Variants in TCF20 observed in about 807,000 individuals in gnomAD.
TCF20 encodes the protein SPRE-binding protein.
Under a neutral mutation model 148.6 loss-of-function variants are expected in TCF20, and 3 were observed. The observed-to-expected ratio is 0.02, with a 90% CI of 0.01 to 0.05. The LOEUF (loss-of-function observed/expected upper bound fraction) is 0.05, where lower values mean the gene tolerates loss of function less well. Ranked by LOEUF, TCF20 falls within the 10% of genes least tolerant of loss-of-function variation. The probability of loss-of-function intolerance (pLI) is 1.00; values close to 1 mark genes in which losing one functional copy is unlikely to be tolerated. For missense variants in TCF20, 2,350 were observed against 2,429.3 expected, an observed-to-expected ratio of 0.97 and a Z score of 0.69; for synonymous variants, 1,049 against 909.5, an observed-to-expected ratio of 1.15 and a Z score of -2.76.
chr22:42,178,544 G>A (rs1236340006), intron 3 of TCF20, among the ~76,000 whole-genome samples: 2 of 144,608 alleles, frequency 1.4e-5, no homozygotes, highest in African/African-American at 5.1e-5. Flanking sequence ...GAGAATGGAA[G>A]AAAACATTTG....
intron 1 of TCF20, among the ~76,000 whole-genome samples, chr22:42,324,439 C>T (rs975124717): frequency 1.3e-5 from 2 of 151,878 alleles, no homozygotes; most frequent in African/African-American, 2.4e-5. Context: ...AAATAATCTC[C>T]ACCATCTGAG....
Position 42,169,947 on chromosome 22 carries a change from G to C in TCF20, c.5750-51C>G, listed in dbSNP as rs1378902543. On this transcript the variant is annotated intron_variant, in intron 3 of 5. Transcript: ENST00000677622. Reference sequence around the variant, plus strand: ...ATGGAGACTTCACAGCTGGACATAGGTGTGGTCATGCTGGCTGGGATTGAC... The same window carrying C: ...ATGGAGACTTCACAGCTGGACATAGCTGTGGTCATGCTGGCTGGGATTGAC... 3.2e-6 allele frequency: 5 copies of C among 1,580,068 alleles called. No homozygotes were observed. The African/African-American group carries it at 6.8e-5, about 21-fold the overall frequency.
chr22:42,165,935 C>T (rs1042529786), intron 5 of TCF20, among the ~76,000 whole-genome samples: 7 of 152,228 alleles, frequency 4.6e-5, no homozygotes, highest in African/African-American at 1.4e-4. Context: ...CACACACGCA[C>T]ATTCGCTGTC....
chr22:42,320,304 G>A (rs967169992), intron 1 of TCF20, among the ~76,000 whole-genome samples: 5 of 152,282 alleles, frequency 3.3e-5, no homozygotes, highest in South Asian at 4.1e-4. Flanking sequence ...GGATGGAGCC[G>A]TACAGCCTGG....
At chr22:42,300,454 C>A (rs1403293458) in intron 1 of TCF20, among the ~76,000 whole-genome samples, 1 of 152,098 alleles carries the variant, frequency 6.6e-6, no homozygotes, top group Admixed American at 6.5e-5. Context: ...GGGCCCAGAA[C>A]CTCGGTCACC....
intron 1 of TCF20, among the ~76,000 whole-genome samples, chr22:42,224,049 G>A (rs1922621113): frequency 6.6e-6 from 1 of 152,118 alleles, no homozygotes; most frequent in Non-Finnish European, 1.5e-5. Flanking sequence ...CCACAAGAAT[G>A]CTGCATATCT....
intron 1 of TCF20, among the ~76,000 whole-genome samples, chr22:42,324,325 T>G (rs1001528030): frequency 6.6e-6 from 1 of 151,576 alleles, no homozygotes; most frequent in Non-Finnish European, 1.5e-5. Flanking sequence ...GGGTAAAAGG[T>G]AAACATTAAT....
intron 1 of TCF20, among the ~76,000 whole-genome samples, chr22:42,331,162 T>C (rs1205841948): frequency 1.3e-5 from 2 of 152,144 alleles, no homozygotes; most frequent in African/African-American, 4.8e-5. Flanking sequence ...CGGGCTCCCC[T>C]CCCGGCAGCG....
At chr22:42,293,827 C>T (rs184687303) in intron 1 of TCF20, among the ~76,000 whole-genome samples, 4 of 152,204 alleles carry the variant, frequency 2.6e-5, no homozygotes, top group African/African-American at 7.2e-5. Context: ...TGGTGAAACA[C>T]CGTCTCTACT....
intron 1 of TCF20, among the ~76,000 whole-genome samples, chr22:42,256,021 C>T (rs1226789114): frequency 1.3e-5 from 2 of 152,120 alleles, no homozygotes; most frequent in African/African-American, 4.8e-5. Flanking sequence ...CAAAAGACCT[C>T]TCTTAGGAAT....
In TCF20 at chr22:42,317,793, A is replaced by C. The variant is rs1239157411; in HGVS notation, c.-37+25686T>G. The stretch of plus-strand genomic sequence containing the variant: ...CGATCCCTCCCTCACAACGCTACAG[A>C]GAAAAATGGCAGGCAGCCAGCAGGG... On this transcript the variant is annotated intron_variant, in intron 1 of 1. Transcript: ENST00000515426. The surrounding 1 kb of genome is among the most constrained non-coding windows in gnomAD (Gnocchi z 4.2). Among the ~76,000 whole-genome samples the C allele has an allele frequency of 6.6e-6, 1 of 152,170 alleles. No homozygotes were observed. The highest frequency in any genetic ancestry group is 2.4e-5 in the African/African-American group (1 of 41,432).
rs920748742 is a variant in TCF20 at position 42,302,593 on chromosome 22, CCT to C, written c.-37+40884_-37+40885del. Among the ~76,000 whole-genome samples the C allele has an allele frequency of 6.1e-4, 93 of 152,344 alleles. 1 individual carries two copies. The highest frequency in any genetic ancestry group is 1.6e-3 in the African/African-American group (67 of 41,578). ...AAGACAGAGACCGGCCTCTTTCATC[CCT>C]GTCCTTGCTTGGTGGGATTCCTGGA... On this transcript the variant is annotated intron_variant, in intron 1 of 1. Transcript: ENST00000515426.
At chr22:42,199,966 T>TTTTC (rs58821646) in intron 2 of TCF20, among the ~76,000 whole-genome samples, 113,164 of 151,358 alleles carry the variant, frequency 0.75, 42,695 homozygotes, top group African/African-American at 0.82. Flanking sequence ...TCTCTGGGTT[T>TTTTC]TTTTTTATAA....
At chr22:42,187,315 G>A (rs1047408994) in intron 2 of TCF20, among the ~76,000 whole-genome samples, 4 of 152,106 alleles carry the variant, frequency 2.6e-5, no homozygotes, top group African/African-American at 7.2e-5. Context: ...CATCTTTCAA[G>A]CATAATTTGA....
intron 2 of TCF20, among the ~76,000 whole-genome samples, chr22:42,205,254 A>G (rs1280176905): frequency 2.1e-5 from 3 of 146,208 alleles, no homozygotes; most frequent in Admixed American, 6.7e-5. Flanking sequence ...TTGTGCTGAA[A>G]TGAATAGATT....
At chr22:42,251,146 T>C (rs751665009) in intron 1 of TCF20, among the ~76,000 whole-genome samples, 8 of 152,150 alleles carry the variant, frequency 5.3e-5, no homozygotes, top group Non-Finnish European at 1.0e-4. Flanking sequence ...TGAAGTGTTG[T>C]CATGTTTTTG....
intron 1 of TCF20, among the ~76,000 whole-genome samples, chr22:42,228,250 CACACAGTCAAAACGG>C (rs1923086427): frequency 3.3e-5 from 5 of 152,236 alleles, no homozygotes; most frequent in Admixed American, 6.5e-5. Flanking sequence ...GAGGTAGTGA[CACACAGTCAAAACGG>C]ACACAGTCTG....
At chr22:42,316,617 T>C (rs1451484437) in intron 1 of TCF20, among the ~76,000 whole-genome samples, 1 of 151,452 alleles carries the variant, frequency 6.6e-6, no homozygotes, top group Non-Finnish European at 1.5e-5. Context: ...TTTGTATTTT[T>C]AGTAGAGACG....
chr22:42,185,443 T>C (rs545823726), intron 2 of TCF20, among the ~76,000 whole-genome samples: 1 of 152,338 alleles, frequency 6.6e-6, no homozygotes, highest in Non-Finnish European at 1.5e-5. Context: ...ATGAGGATAC[T>C]CTTCAATGAG....
Sources: gnomAD v4.1 joint callset for allele counts (sites outside exome capture counted in the v4.1 genomes callset) on GRCh38, gnomAD v4.1.1 for gene constraint, Gnocchi (gnomAD v3.1) non-coding constraint, MANE v1.5 for transcripts, NCBI Gene and HGNC (gene_info 2026-07-23, HGNC 2026-07-21) for gene names.